Variants in WWOX observed in about 807,000 individuals in gnomAD.
The protein encoded by WWOX is WW domain-containing oxidoreductase.
WWOX carries 69 observed loss-of-function variants against 46.2 expected under a neutral mutation model. That is an observed-to-expected ratio of 1.49 (90% CI 1.23 to 1.82). WWOX has a LOEUF of 1.82. Among genes scored for constraint, WWOX ranks in the 40% most tolerant of loss-of-function variants. The pLI, the probability that WWOX is intolerant of heterozygous loss-of-function variation, is 0.00. For missense variants in WWOX, 919 were observed against 542.6 expected (o/e 1.69, Z -6.89); for synonymous variants, 359 against 202.6 (o/e 1.77, Z -6.56).
chr16:79,080,577 C>A (rs1361330373), intron 8 of WWOX, among the ~76,000 whole-genome samples: 1 of 152,196 alleles, frequency 6.6e-6, no homozygotes, highest in African/African-American at 2.4e-5. Flanking sequence ...AACACTGAAT[C>A]TCGAATCCAA....
chr16:78,862,098 G>GCACACCTACGGGTGTGTCTA (rs1450750619), intron 8 of WWOX, among the ~76,000 whole-genome samples: 1 of 151,544 alleles, frequency 6.6e-6, no homozygotes, highest in Non-Finnish European at 1.5e-5. Context: ...GGGTGTGTCT[G>GCACACCTACGGGTGTGTCTA]TATCTATACA....
chr16:78,812,367 T>TA (rs2051211999), intron 8 of WWOX, among the ~76,000 whole-genome samples: 1 of 152,098 alleles, frequency 6.6e-6, no homozygotes, highest in Non-Finnish European at 1.5e-5. Context: ...TGACAGGTCT[T>TA]ATGTTCTTGG....
At chr16:78,300,831 G>C (rs945090854) in intron 5 of WWOX, among the ~76,000 whole-genome samples, 1 of 152,044 alleles carries the variant, frequency 6.6e-6, no homozygotes, top group Admixed American at 6.6e-5. Context: ...CATATAACTT[G>C]TAGGTTGTCA....
intron 4 of WWOX, among the ~76,000 whole-genome samples, chr16:78,153,533 A>T (rs535556868): frequency 6.6e-6 from 1 of 151,998 alleles, no homozygotes; most frequent in South Asian, 2.1e-4. Flanking sequence ...AGGGAGGGAG[A>T]GGATGTGTGC....
chr16:78,659,943 G>T (rs1461878687), intron 8 of WWOX, among the ~76,000 whole-genome samples: 1 of 152,096 alleles, frequency 6.6e-6, no homozygotes, highest in Non-Finnish European at 1.5e-5. Context: ...AATTTAACAT[G>T]CTGTTAGTGC....
intron 8 of WWOX, among the ~76,000 whole-genome samples, chr16:78,717,736 T>A (rs1279578745): frequency 6.6e-6 from 1 of 152,112 alleles, no homozygotes; most frequent in Non-Finnish European, 1.5e-5. Flanking sequence ...TTCCTTTGGG[T>A]TGGACTCTGA....
At chr16:78,325,016 G>A (rs1261161900) in intron 5 of WWOX, among the ~76,000 whole-genome samples, 1 of 152,112 alleles carries the variant, frequency 6.6e-6, no homozygotes, top group South Asian at 2.1e-4. Flanking sequence ...GCTGCTCATG[G>A]GCACAAAAAC....
At chr16:78,495,491 G>A (rs1368071168) in intron 8 of WWOX, among the ~76,000 whole-genome samples, 2 of 140,830 alleles carry the variant, frequency 1.4e-5, no homozygotes, top group African/African-American at 5.2e-5. Flanking sequence ...GATTTGGCTA[G>A]GAAGTCATAG....
At chr16:78,402,904 A>C (rs1230982727) in intron 6 of WWOX, among the ~76,000 whole-genome samples, 1 of 151,800 alleles carries the variant, frequency 6.6e-6, no homozygotes, top group East Asian at 1.9e-4. Context: ...TTAATCCTCA[A>C]CTCCAGAGCC....
At chr16:78,487,556 G>A (rs1273806635) in intron 8 of WWOX, among the ~76,000 whole-genome samples, 1 of 152,130 alleles carries the variant, frequency 6.6e-6, no homozygotes, top group Non-Finnish European at 1.5e-5. Flanking sequence ...TGCTTCCTCT[G>A]GTTCAGGGTG....
chr16:78,581,687 C>A (rs931707723), intron 8 of WWOX, among the ~76,000 whole-genome samples: 9 of 152,030 alleles, frequency 5.9e-5, no homozygotes, highest in Non-Finnish European at 2.9e-5. Context: ...GTAGTTTATA[C>A]CAGTACATTT....
At chr16:79,096,978 G>A (rs1011550411) in intron 8 of WWOX, among the ~76,000 whole-genome samples, 1 of 152,126 alleles carries the variant, frequency 6.6e-6, no homozygotes, top group Non-Finnish European at 1.5e-5. Flanking sequence ...GCCAGGAAGG[G>A]GGCATGCTGT....
chr16:79,012,217 A>G (rs2151377453), intron 8 of WWOX, among the ~76,000 whole-genome samples: 1 of 152,228 alleles, frequency 6.6e-6, no homozygotes, highest in African/African-American at 2.4e-5. Context: ...GGCACTTGGC[A>G]TGCAACTAGT....
chr16:78,252,295 T>C (rs1003307149), intron 5 of WWOX, among the ~76,000 whole-genome samples: 1 of 152,258 alleles, frequency 6.6e-6, no homozygotes, highest in African/African-American at 2.4e-5. Flanking sequence ...TGTATGTATA[T>C]GTGCATACAC....
At chr16:78,801,367 G>C (rs911362368) in intron 8 of WWOX, among the ~76,000 whole-genome samples, 8 of 152,074 alleles carry the variant, frequency 5.3e-5, no homozygotes, top group Admixed American at 2.0e-4. Context: ...AAAATTAGCT[G>C]GGTGTGGTGG....
intron 8 of WWOX, among the ~76,000 whole-genome samples, chr16:78,683,287 G>C (rs1486612885): frequency 8.3e-6 from 1 of 120,016 alleles, no homozygotes; most frequent in Non-Finnish European, 1.9e-5. Context: ...GAGGTGGGTG[G>C]ATTGCCTGAG....
intron 8 of WWOX, among the ~76,000 whole-genome samples, chr16:78,579,694 A>G (rs1432206169): frequency 6.6e-6 from 1 of 152,198 alleles, no homozygotes; most frequent in Non-Finnish European, 1.5e-5. Context: ...GAGAAGTGGG[A>G]TAAGAACTAT....
At chr16:78,280,696 C>G (rs913835703) in intron 5 of WWOX, 3 of 152,120 alleles carry the variant, frequency 2.0e-5, no homozygotes, top group African/African-American at 7.2e-5. Context: ...TAACCCTTTT[C>G]CTGTTTAGGA....
At chr16:78,511,418 A>G (rs932496732) in intron 8 of WWOX, among the ~76,000 whole-genome samples, 16 of 152,206 alleles carry the variant, frequency 1.1e-4, no homozygotes, top group Admixed American at 7.2e-4. Context: ...AGGGAACAAG[A>G]TGACATTTTG....
Sources: gnomAD v4.1 joint callset for allele counts (sites outside exome capture counted in the v4.1 genomes callset) on GRCh38, gnomAD v4.1.1 for gene constraint, MANE v1.5 for transcripts, NCBI Gene and HGNC (gene_info 2026-07-23, HGNC 2026-07-21) for gene names.